SLC10A7: variants seen among roughly 807,000 people sequenced by gnomAD.
The protein encoded by SLC10A7 is sodium/bile acid cotransporter 7.
Under a neutral mutation model 43.2 loss-of-function variants are expected in SLC10A7, and 29 were observed. The ratio of observed to expected loss-of-function variants is 0.67; its 90% CI spans 0.50 to 0.92. The LOEUF (loss-of-function observed/expected upper bound fraction) is 0.92, where lower values mean the gene tolerates loss of function less well. Ranked by LOEUF, SLC10A7 falls within the 40% of genes least tolerant of loss-of-function variation. SLC10A7 has a pLI of 0.00. For missense variants in SLC10A7, 295 were observed against 403.2 expected (o/e 0.73, Z 2.30); for synonymous variants, 152 against 144.8 (o/e 1.05, Z -0.35).
At chr4:146,353,031 A>G (rs1735254636) in intron 5 of SLC10A7, among the ~76,000 whole-genome samples, 1 of 151,704 alleles carries the variant, frequency 6.6e-6, no homozygotes, top group Non-Finnish European at 1.5e-5. Flanking sequence ...AGAAATAACT[A>G]AAATCAGAGG....
intron 5 of SLC10A7, among the ~76,000 whole-genome samples, chr4:146,366,082 C>T (rs1249660633): frequency 6.6e-6 from 1 of 152,214 alleles, no homozygotes; most frequent in East Asian, 1.9e-4. Context: ...CAAAACCCAT[C>T]TGCATTCCCT....
intron 5 of SLC10A7, among the ~76,000 whole-genome samples, chr4:146,423,503 T>C (rs1044470846): frequency 6.6e-5 from 10 of 152,212 alleles, no homozygotes; most frequent in African/African-American, 9.6e-5. Flanking sequence ...CCTAATTATA[T>C]GATAGGATTT....
At chr4:146,508,073 T>C (rs1278655202) in intron 3 of SLC10A7, among the ~76,000 whole-genome samples, 4 of 152,242 alleles carry the variant, frequency 2.6e-5, no homozygotes, top group African/African-American at 9.6e-5. Context: ...TGCAAATTCC[T>C]CAGCCCAGTA....
chr4:146,312,967 A>G (rs1732080315), intron 6 of SLC10A7, among the ~76,000 whole-genome samples: 1 of 152,164 alleles, frequency 6.6e-6, no homozygotes, highest in African/African-American at 2.4e-5. Context: ...AGAGGCCTCT[A>G]GGACCAAACT....
At chr4:146,259,435 G>C (rs1728084984) in intron 10 of SLC10A7, among the ~76,000 whole-genome samples, 2 of 152,170 alleles carry the variant, frequency 1.3e-5, no homozygotes, top group African/African-American at 2.4e-5. Flanking sequence ...TTGGTCTATG[G>C]AAGATGAATA....
chr4:146,345,351 A>G (rs1013892353), intron 5 of SLC10A7, among the ~76,000 whole-genome samples: 2 of 152,166 alleles, frequency 1.3e-5, no homozygotes, highest in Non-Finnish European at 2.9e-5. Context: ...CAGTTTCCAC[A>G]TTGAAATGCA....
At chr4:146,480,674 C>T (rs1438829003) in intron 4 of SLC10A7, among the ~76,000 whole-genome samples, 1 of 151,812 alleles carries the variant, frequency 6.6e-6, no homozygotes, top group Non-Finnish European at 1.5e-5. Flanking sequence ...GTCACATGGC[C>T]AAATAGAACA....
In SLC10A7 at chr4:146,350,157, G is replaced by A. The variant is rs1187124662; in HGVS notation, c.436-24161C>T. On this transcript the variant is annotated intron_variant, in intron 5 of 11. Coordinates refer to ENST00000335472, the MANE Select transcript of SLC10A7 (RefSeq NM_001029998.6). ...CACTAGGGAGTGCCAGACAGTGGGC[G>A]CAGGCCAGTGGGTGCGCGCACCGTG... is the stretch of plus-strand genomic sequence containing the variant. Among the ~76,000 whole-genome samples the A allele has an allele frequency of 8.8e-5, 13 of 147,022 alleles. No homozygotes were observed. The East Asian group carries it at 1.6e-3, about 19-fold the overall frequency.
intron 5 of SLC10A7, among the ~76,000 whole-genome samples, chr4:146,409,567 A>C (rs1486522352): frequency 2.6e-5 from 4 of 152,184 alleles, no homozygotes; most frequent in Non-Finnish European, 4.4e-5. Flanking sequence ...TTAAACAATT[A>C]TCAAAACTTA....
intron 7 of SLC10A7, among the ~76,000 whole-genome samples, chr4:146,301,199 G>A (rs566265000): frequency 2.0e-4 from 31 of 152,242 alleles, no homozygotes; most frequent in African/African-American, 4.8e-4. Flanking sequence ...GAATTTAATC[G>A]AGGCCAGTCT....
intron 5 of SLC10A7, among the ~76,000 whole-genome samples, chr4:146,420,007 G>T (rs1425580328): frequency 6.6e-6 from 1 of 152,022 alleles, no homozygotes; most frequent in African/African-American, 2.4e-5. Flanking sequence ...ATGTTACAAA[G>T]TGTACCAAGA....
chr4:146,443,825 T>C lies in SLC10A7; in HGVS notation c.397-1004A>G, dbSNP rs918288397. On this transcript the variant is annotated intron_variant, in intron 4 of 11. Coordinates refer to ENST00000335472, the MANE Select transcript of SLC10A7 (RefSeq NM_001029998.6). ...AATGAGATCCTCGGCTCCAGAGAGC[T>C]TAGCTCTCCTATTCCAGTTCATAAT... Among the ~76,000 whole-genome samples, 10 of 152,328 alleles carry C rather than the reference T, an allele frequency of 6.6e-5. No individual in the cohort carries two copies. In the East Asian group the frequency reaches 1.7e-3, roughly 26 times the overall value.
At chr4:146,344,454 A>C (rs1314911337) in intron 5 of SLC10A7, among the ~76,000 whole-genome samples, 1 of 151,998 alleles carries the variant, frequency 6.6e-6, no homozygotes, top group Non-Finnish European at 1.5e-5. Context: ...GACTACCTGA[A>C]ATGCCATCTT....
intron 5 of SLC10A7, among the ~76,000 whole-genome samples, chr4:146,369,789 T>C (rs1368443100): frequency 6.6e-6 from 1 of 152,214 alleles, no homozygotes; most frequent in Non-Finnish European, 1.5e-5. Flanking sequence ...TTTTCACATC[T>C]TTGATAAATA....
Position 146,350,460 on chromosome 4 carries a change from C to T in SLC10A7, c.436-24464G>A, listed in dbSNP as rs1313971650. The stretch of plus-strand genomic sequence containing the variant: ...GGCGGCAGCGAGGCTGGGGGAGGGG[C>T]GCCCGCCATTGCCCAGGCTTGCTTA... On this transcript the variant is annotated intron_variant, in intron 5 of 11. Coordinates refer to ENST00000335472, the MANE Select transcript of SLC10A7 (RefSeq NM_001029998.6). Among the ~76,000 whole-genome samples, 35 of 140,660 alleles carry T rather than the reference C, an allele frequency of 2.5e-4. 1 individual carries two copies. Among genetic ancestry groups the T allele is most frequent in the African/African-American group, 4.7e-4 (17 of 36,276 alleles). The allele number at this position is 140,660 out of a possible 152,430, so 92.3% of individuals were successfully genotyped here.
At chr4:146,370,790 A>C (rs1736720642) in intron 5 of SLC10A7, among the ~76,000 whole-genome samples, 2 of 152,216 alleles carry the variant, frequency 1.3e-5, no homozygotes. Context: ...CTACTCCAAA[A>C]AGAGAAATCA....
chr4:146,442,354 T>C (rs1207896405), intron 5 of SLC10A7: 1 of 992,214 alleles, frequency 1.0e-6, no homozygotes, highest in Non-Finnish European at 1.2e-6. Context: ...GTAGCTTCTT[T>C]GACAGTGAAA....
At chr4:146,350,939 G>C (rs892604385) in intron 5 of SLC10A7, among the ~76,000 whole-genome samples, 1 of 146,876 alleles carries the variant, frequency 6.8e-6, no homozygotes, top group African/African-American at 2.6e-5. Context: ...GGAAAAAACA[G>C]AACAGAAAAA....
intron 9 of SLC10A7, among the ~76,000 whole-genome samples, chr4:146,286,369 AGTTTGGAGTGGTGAGAAGGACTGT>A (rs1560763500): frequency 1.0e-5 from 1 of 97,666 alleles, no homozygotes; most frequent in Non-Finnish European, 2.2e-5. Flanking sequence ...AGAAGGACTG[AGTTTGGAGTGGTGAGAAGGACTGT>A]GTTTGGAGTG....
Sources: allele counts gnomAD v4.1 joint callset (sites outside exome capture counted in the v4.1 genomes callset), GRCh38; gene constraint gnomAD v4.1.1; transcripts MANE v1.5; gene names NCBI Gene and HGNC (gene_info 2026-07-23, HGNC 2026-07-21).